SLC26A3: variants seen among roughly 807,000 people sequenced by gnomAD.
SLC26A3 encodes the protein chloride anion exchanger.
A neutral mutation model predicts 85.6 loss-of-function variants in SLC26A3; 64 were observed. The observed-to-expected ratio is 0.75, with a 90% confidence interval of 0.61 to 0.92. The LOEUF is 0.92. Ranked by LOEUF, SLC26A3 falls within the 40% of genes least tolerant of loss-of-function variation. The pLI, the probability that SLC26A3 is intolerant of heterozygous loss-of-function variation, is 0.00. For missense variants in SLC26A3, 922 were observed against 927.3 expected, an observed-to-expected ratio of 0.99 and a Z score of 0.07; for synonymous variants, 349 against 336.0, an observed-to-expected ratio of 1.04 and a Z score of -0.42.
At chr7:107,768,327 C>T (rs919959504) in intron 18 of SLC26A3, among the ~76,000 whole-genome samples, 3 of 152,144 alleles carry the variant, frequency 2.0e-5, no homozygotes, top group African/African-American at 7.2e-5. Flanking sequence ...TTTATTGTAG[C>T]CCATTTTCCC....
Position 107,778,298 on chromosome 7 carries a change from A to T in SLC26A3, c.1408-17T>A. 6.9e-7 allele frequency: 1 copy of T among 1,452,848 alleles called. No individual in the cohort carries two copies. Among genetic ancestry groups the T allele is most frequent in the Non-Finnish European group, 9.7e-7 (1 of 1,034,236 alleles). The allele number at this position is 1,452,848 out of a possible 1,614,324, so 90.0% of individuals were successfully genotyped here. ...CCAAATTAACTGTGAAAAGAAAGCA[A>T]CACATACACTACAATTTACTTTGAT... is the stretch of plus-strand genomic sequence containing the variant. On this transcript the variant is annotated splice_polypyrimidine_tract_variant and intron_variant, in intron 12 of 20. Transcript: ENST00000340010.
chr7:107,776,134 C>T, intron 15 of SLC26A3: 1 of 385,096 alleles, frequency 2.6e-6, no homozygotes, highest in Non-Finnish European at 4.8e-6. Context: ...AGTTGATGCC[C>T]AAAGAAAATC....
rs201503990 is a variant in SLC26A3 at position 107,793,764 on chromosome 7, T to G, written c.249A>C (p.Thr83=). The change falls in exon 3 of 21, where the codon ACA becomes ACC. Residue 83 remains threonine, a synonymous_variant. Coordinates refer to ENST00000340010, the MANE Select transcript of SLC26A3 (RefSeq NM_000111.3). ...LLSDIVSGIS[T]GIVAVLQGLA... is the part of the protein sequence containing the mutation. ...TACCTTGTAGTACGGCCACAATCCC[T>G]GTGCTGATACCAGAAACAATATCAC... is the stretch of plus-strand genomic sequence containing the variant. 9.3e-6 allele frequency: 15 copies of G among 1,614,098 alleles called. No individual in the cohort carries two copies.
In SLC26A3 at chr7:107,787,402, G is replaced by T; in HGVS notation, c.843C>A (p.Arg281=). Residue 281 remains arginine (R), a synonymous_variant, in exon 7 of 21, where the codon CGC becomes CGA. Coordinates refer to ENST00000340010, the MANE Select transcript of SLC26A3 (RefSeq NM_000111.3). ...TGGGCACTGGAAGTTTGTCTTTGAA[G>T]CGCTGATTTATTTCTTTAACAATGG... ...VVSIVKEINQ[R]FKDKLPVPIP... is the part of the protein sequence containing the mutation. The T allele has an allele frequency of 6.2e-7, 1 of 1,614,020 alleles. No individual in the cohort carries two copies. Among genetic ancestry groups the T allele is most frequent in the Non-Finnish European group, 8.5e-7 (1 of 1,179,982 alleles).
At chr7:107,767,200 G>C (rs1793930290) in intron 20 of SLC26A3, among the ~76,000 whole-genome samples, 1 of 152,114 alleles carries the variant, frequency 6.6e-6, no homozygotes, top group South Asian at 2.1e-4. Flanking sequence ...TGGGAGGTGT[G>C]TATTAGCTTA....
chr7:107,774,081 G>T lies in SLC26A3; in HGVS notation c.1846C>A (p.Leu616Met), dbSNP rs564106034. The change falls in exon 17 of 21, where the codon CTG (leucine) becomes ATG (methionine). Residue 616 changes from leucine to methionine, a missense_variant. Physicochemically the swap from Leu to Met is conservative, Grantham distance 15 (BLOSUM62 2). Transcript: ENST00000340010. ...TCTGTGGTATTGATTGGCTGGTCCA[G>T]TACTTCTATCTGATTGTTGTCCAGC... ...EELDNNQIEV[L>M]DQPINTTDLP... 6.2e-7 allele frequency: 1 copy of T among 1,614,126 alleles called. No individual in the cohort carries two copies. The highest frequency in any genetic ancestry group is 1.7e-5 in the Admixed American group (1 of 60,012).
chr7:107,786,585 T>C (rs1794298570), intron 8 of SLC26A3, among the ~76,000 whole-genome samples: 1 of 150,694 alleles, frequency 6.6e-6, no homozygotes, highest in Non-Finnish European at 1.5e-5. Context: ...CCTTCTGATA[T>C]TAAGAACTGC....
chr7:107,793,728 A>G lies in SLC26A3; in HGVS notation c.271+14T>C. On this transcript the variant is annotated intron_variant, in intron 3 of 20. Coordinates refer to ENST00000340010, the MANE Select transcript of SLC26A3 (RefSeq NM_000111.3). Reference sequence around the variant, plus strand: ...ATTTTATTGTATATAAATTATACTTAAAAAAAATTTTACCTTGTAGTACGG... The same window carrying G: ...ATTTTATTGTATATAAATTATACTTGAAAAAAATTTTACCTTGTAGTACGG... The G allele has an allele frequency of 1.9e-6, 3 of 1,589,238 alleles. No individual in the cohort carries two copies. Among genetic ancestry groups the G allele is most frequent in the Non-Finnish European group, 2.6e-6 (3 of 1,163,358 alleles).
In SLC26A3 at chr7:107,765,853, G is replaced by C. The variant is rs745564134; in HGVS notation, c.*2C>G. The C allele has an allele frequency of 1.2e-6, 2 of 1,608,564 alleles. No individual in the cohort carries two copies. The highest frequency in any genetic ancestry group is 1.1e-5 in the South Asian group (1 of 90,936). On this transcript the variant is annotated 3_prime_UTR_variant, in exon 21 of 21. Coordinates refer to ENST00000340010, the MANE Select transcript of SLC26A3 (RefSeq NM_000111.3). ...TGAAGATCCTTCTGAATTATATGTTGATTAGAATTTTGTTTCAACTGGCAC... is the reference window on the plus strand; with the variant it reads ...TGAAGATCCTTCTGAATTATATGTTCATTAGAATTTTGTTTCAACTGGCAC...
At chr7:107,793,687 C>T in intron 3 of SLC26A3, 55 bp downstream of exon 3, 2 of 1,344,746 alleles carry the variant, frequency 1.5e-6, no homozygotes, top group Non-Finnish European at 2.1e-6. Flanking sequence ...CTGAGCTGTA[C>T]ACATTCAGAG....
chr7:107,789,459 C>T (rs2115866960), intron 6 of SLC26A3, 65 bp downstream of exon 6: 1 of 1,488,620 alleles, frequency 6.7e-7, no homozygotes, highest in East Asian at 2.3e-5. Context: ...TAAAGGAAAG[C>T]TCTCTAAAAA....
At chr7:107,775,605 G>A (rs1584403190) in intron 15 of SLC26A3, among the ~76,000 whole-genome samples, 1 of 151,624 alleles carries the variant, frequency 6.6e-6, no homozygotes, top group East Asian at 1.9e-4. Flanking sequence ...AGTGGCACAT[G>A]CCTGGAGTCT....
At chr7:107,789,103 C>T (rs1794348856) in intron 6 of SLC26A3, among the ~76,000 whole-genome samples, 1 of 139,062 alleles carries the variant, frequency 7.2e-6, no homozygotes, top group African/African-American at 2.9e-5. Context: ...CTTTCTTTTT[C>T]TTTTCTTTTC....
intron 18 of SLC26A3, among the ~76,000 whole-genome samples, chr7:107,768,903 A>G (rs1042062262): frequency 6.6e-6 from 1 of 152,156 alleles, no homozygotes; most frequent in Non-Finnish European, 1.5e-5. Flanking sequence ...CGTGGAGGGC[A>G]TTGTGGCCAC....
At chr7:107,779,529 TAAAAC>T (rs1415960959) in intron 12 of SLC26A3, 134 bp downstream of exon 12, 1 of 713,168 alleles carries the variant, frequency 1.4e-6, no homozygotes, top group African/African-American at 1.8e-5. Flanking sequence ...AAATAGCAAA[TAAAAC>T]AAACTAAGGT....
At chr7:107,802,518 C>G (rs910190570) in intron 1 of SLC26A3, among the ~76,000 whole-genome samples, 8 of 152,040 alleles carry the variant, frequency 5.3e-5, no homozygotes, top group African/African-American at 1.9e-4. Flanking sequence ...CACTTCTAGA[C>G]CATATGTCCC....
chr7:107,787,943 G>A (rs1237738006), intron 6 of SLC26A3, among the ~76,000 whole-genome samples: 1 of 152,034 alleles, frequency 6.6e-6, no homozygotes, highest in Non-Finnish European at 1.5e-5. Flanking sequence ...GCCCTCTTGG[G>A]GGGTTTACAC....
At position 107,773,948 on chromosome 7, in the gene SLC26A3, T is replaced by A. The variant is rs1286677732; in HGVS notation, c.1979A>T (p.Asp660Val). The A allele has an allele frequency of 1.2e-6, 2 of 1,613,790 alleles. No individual in the cohort carries two copies. Among genetic ancestry groups the A allele is most frequent in the African/African-American group, 2.7e-5 (2 of 74,882 alleles). Residue 660 changes from aspartate (D) to valine (V), a missense_variant, in exon 17 of 21, where the codon GAT (aspartate) becomes GTT (valine). Physicochemically the swap from Asp to Val is radical, Grantham distance 152. Transcript: ENST00000340010. ...ILDFSAVSFLDVSSVRGLKSI... is the reference protein window; with the variant it reads ...ILDFSAVSFLVVSSVRGLKSI... Reference sequence around the variant, plus strand: ...TTTAAGGCCCCTCACTGAAGAAACATCAAGAAAGGACACTGCTGAAAAGTC... The same window carrying A: ...TTTAAGGCCCCTCACTGAAGAAACAACAAGAAAGGACACTGCTGAAAAGTC...
Position 107,772,031 on chromosome 7 carries a change from A to T in SLC26A3, c.2062+23T>A, listed in dbSNP as rs1445320876. 8 of 1,579,590 alleles carry T rather than the reference A, an allele frequency of 5.1e-6. No homozygotes were observed. The South Asian group carries it at 6.6e-5, about 13-fold the overall frequency. ...GAGCCTGAAGTGATTGTCAGAACAT[A>T]AAACAAAAATAAAGCCACTTACCAT... is the stretch of plus-strand genomic sequence containing the variant. On this transcript the variant is annotated intron_variant, in intron 18 of 20. Coordinates refer to ENST00000340010, the MANE Select transcript of SLC26A3 (RefSeq NM_000111.3).
Sources: allele counts gnomAD v4.1 joint callset (sites outside exome capture counted in the v4.1 genomes callset), GRCh38; gene constraint gnomAD v4.1.1; transcripts MANE v1.5; gene names NCBI Gene and HGNC (gene_info 2026-07-23, HGNC 2026-07-21).